GDAP2: variants seen among roughly 807,000 people sequenced by gnomAD.
GDAP2 encodes ganglioside-induced differentiation-associated protein 2.
In GDAP2, 51 loss-of-function variants were observed where a neutral mutation model predicts 67.0. The ratio of observed to expected loss-of-function variants is 0.76; its 90% confidence interval spans 0.61 to 0.96. The LOEUF is 0.96. Ranked by LOEUF, GDAP2 falls within the 40% of genes least tolerant of loss-of-function variation. The probability of loss-of-function intolerance (pLI) is 0.00; values close to 1 mark genes in which losing one functional copy is unlikely to be tolerated. For missense variants in GDAP2, 547 were observed against 588.3 expected (o/e 0.93, Z 0.73); for synonymous variants, 203 against 207.3 (o/e 0.98, Z 0.18).
intron 12 of GDAP2, among the ~76,000 whole-genome samples, chr1:117,880,461 G>C (rs1648614653): frequency 6.6e-6 from 1 of 152,096 alleles, no homozygotes; most frequent in South Asian, 2.1e-4. Flanking sequence ...TAATTTAAAA[G>C]GTACATGAGA....
intron 13 of GDAP2, among the ~76,000 whole-genome samples, chr1:117,872,332 A>G (rs901991866): frequency 6.6e-6 from 1 of 152,168 alleles, no homozygotes; most frequent in African/African-American, 2.4e-5. Context: ...CAGCAATCCC[A>G]TTACTGGGTA....
chr1:117,912,425 C>T (rs1031937894), intron 4 of GDAP2, 105 bp downstream of exon 4: 2 of 983,018 alleles, frequency 2.0e-6, no homozygotes, highest in East Asian at 2.5e-5. Context: ...AATTTGACTT[C>T]CACTGCTAGG....
chr1:117,884,385 C>T (rs1648774925), intron 10 of GDAP2, among the ~76,000 whole-genome samples: 1 of 152,152 alleles, frequency 6.6e-6, no homozygotes, highest in African/African-American at 2.4e-5. Flanking sequence ...AGTGGTTTAG[C>T]TGTAAACAAT....
chr1:117,872,165 G>A (rs1337079938), intron 13 of GDAP2, among the ~76,000 whole-genome samples: 3 of 152,094 alleles, frequency 2.0e-5, no homozygotes, highest in Non-Finnish European at 1.5e-5. Context: ...AGTCAGAATG[G>A]CGATTACTAA....
intron 8 of GDAP2, among the ~76,000 whole-genome samples, chr1:117,888,483 C>T (rs1648947591): frequency 6.6e-6 from 1 of 152,116 alleles, no homozygotes; most frequent in African/African-American, 2.4e-5. Context: ...GATTAATGGT[C>T]AAGTTCATCT....
At chr1:117,928,305 T>C (rs1215864143) in intron 1 of GDAP2, among the ~76,000 whole-genome samples, 1 of 152,252 alleles carries the variant, frequency 6.6e-6, no homozygotes, top group African/African-American at 2.4e-5. Context: ...AGCATTGATG[T>C]CACTTACCTA....
chr1:117,867,546 A>C lies in GDAP2; in HGVS notation c.*3023T>G, dbSNP rs200807475. The C allele has an allele frequency of 0.012, 1,839 of 152,016 alleles. 33 individuals carry two copies. The highest frequency in any genetic ancestry group is 0.091 in the South Asian group (417 of 4,578). 9.4% of individuals were successfully genotyped at this position (152,016 alleles called of 1,614,324 possible). A position where few individuals can be genotyped will look rare whatever the true frequency, so the allele number is the denominator to read the frequency against. ...TCTACTGAAAAAAAAAAAAAAAAAA[A>C]AAAAAATTAGCCAGGCATGGTGGCA... On this transcript the variant is annotated 3_prime_UTR_variant, in exon 14 of 14. Transcript: ENST00000369443.
chr1:117,918,628 A>C lies in GDAP2; in HGVS notation c.285T>G (p.Pro95=), dbSNP rs1650130802. 1.4e-5 allele frequency: 22 copies of C among 1,609,278 alleles called. No individual in the cohort carries two copies. The highest frequency in any genetic ancestry group is 1.6e-5 in the Non-Finnish European group (19 of 1,175,892). ...GTTTCTGGAGATCTTCCTTCAAATCAGGCCCTGCAAGCATGAAGATACTTT... is the reference window on the plus strand; with the variant it reads ...GTTTCTGGAGATCTTCCTTCAAATCCGGCCCTGCAAGCATGAAGATACTTT... ...VSESIFMLAG[P]DLKEDLQKLK... is the part of the protein sequence containing the mutation. The change falls in exon 3 of 14, where the codon CCT becomes CCG. Residue 95 remains proline, a synonymous_variant. Coordinates refer to ENST00000369443, the MANE Select transcript of GDAP2 (RefSeq NM_017686.4).
At chr1:117,894,057 A>AATCAC (rs1557800628) in intron 8 of GDAP2, among the ~76,000 whole-genome samples, 43 of 152,256 alleles carry the variant, frequency 2.8e-4, no homozygotes, top group African/African-American at 1.0e-3. Context: ...AATTACTGTA[A>AATCAC]TATCACATAG....
chr1:117,878,897 C>T (rs370676897), intron 12 of GDAP2, among the ~76,000 whole-genome samples: 75 of 152,244 alleles, frequency 4.9e-4, no homozygotes, highest in African/African-American at 1.7e-3. Context: ...ATACAATAGT[C>T]CTATGAGGCA....
intron 3 of GDAP2, among the ~76,000 whole-genome samples, chr1:117,916,272 G>A (rs1650041573): frequency 6.6e-6 from 1 of 152,196 alleles, no homozygotes. Context: ...TGACAACTGA[G>A]AGAAAGAACA....
At position 117,863,581 on chromosome 1, in the gene GDAP2, T is replaced by C. The variant is rs1647966661; in HGVS notation, c.*6988A>G. ...AATTTGAAATCAGCACATCATACAA[T>C]TTTTAAAAGGAAATTTAGCTATTTA... On this transcript the variant is annotated 3_prime_UTR_variant, in exon 14 of 14. Coordinates refer to ENST00000369443, the MANE Select transcript of GDAP2 (RefSeq NM_017686.4). 6.6e-6 allele frequency: 1 copy of C among 152,224 alleles called. No individual in the cohort carries two copies. Among genetic ancestry groups the C allele is most frequent in the South Asian group, 2.1e-4 (1 of 4,830 alleles). The allele number at this position is 152,224 out of a possible 1,614,324, so 9.4% of individuals were successfully genotyped here. A position where few individuals can be genotyped will look rare whatever the true frequency, so the allele number is the denominator to read the frequency against.
chr1:117,904,153 A>AT (rs200362282), intron 6 of GDAP2, among the ~76,000 whole-genome samples: 1,627 of 151,206 alleles, frequency 0.011, 25 homozygotes, highest in African/African-American at 0.037. Context: ...CATTCAGCTA[A>AT]TTTTTTTTTA....
At position 117,881,025 on chromosome 1, in the gene GDAP2, A is replaced by G. The variant is rs560860093; in HGVS notation, c.1302+798T>C. ...AGCTAGCAAGTAGGTTTGGAGTGGGAAGGTAAAGATAAAGAGCTCCTTACT... is the reference window on the plus strand; with the variant it reads ...AGCTAGCAAGTAGGTTTGGAGTGGGGAGGTAAAGATAAAGAGCTCCTTACT... On this transcript the variant is annotated intron_variant, in intron 12 of 13. Coordinates refer to ENST00000369443, the MANE Select transcript of GDAP2 (RefSeq NM_017686.4). Among the ~76,000 whole-genome samples the G allele has an allele frequency of 9.2e-5, 14 of 152,278 alleles. 1 individual carries two copies. The highest frequency in any genetic ancestry group is 3.4e-4 in the African/African-American group (14 of 41,560).
intron 5 of GDAP2, among the ~76,000 whole-genome samples, chr1:117,908,827 A>G (rs964740418): frequency 1.3e-5 from 2 of 149,246 alleles, no homozygotes; most frequent in Non-Finnish European, 2.9e-5. Context: ...TCTATCTCAA[A>G]AAAATAAATA....
intron 10 of GDAP2, among the ~76,000 whole-genome samples, chr1:117,884,844 G>GT: frequency 6.6e-6 from 1 of 150,414 alleles, no homozygotes; most frequent in Admixed American, 6.6e-5. Flanking sequence ...GTGTGTGTGT[G>GT]TTCTGTTTGT....
Position 117,867,338 on chromosome 1 carries a change from T to A in GDAP2, c.*3231A>T, listed in dbSNP as rs1648104814. On this transcript the variant is annotated 3_prime_UTR_variant, in exon 14 of 14. Coordinates refer to ENST00000369443, the MANE Select transcript of GDAP2 (RefSeq NM_017686.4). ...CTACATCTATTTTTCCTACCAAAAA[T>A]ACTCAAAAAACCCTCTGCTAATTAC... 6.6e-6 allele frequency: 1 copy of A among 151,890 alleles called. No homozygotes were observed. Among genetic ancestry groups the A allele is most frequent in the Non-Finnish European group, 1.5e-5 (1 of 67,970 alleles). 9.4% of individuals were successfully genotyped at this position (151,890 alleles called of 1,614,324 possible). A position where few individuals can be genotyped will look rare whatever the true frequency, so the allele number is the denominator to read the frequency against.
intron 9 of GDAP2, 68 bp downstream of exon 9, chr1:117,887,630 T>G (rs1648907334): frequency 2.4e-6 from 2 of 830,420 alleles, no homozygotes; most frequent in African/African-American, 3.4e-5. Context: ...AAAAATGAAT[T>G]CTCAAATAGC....
rs749466623 is a variant in GDAP2, at chr1:117,887,712, G to A, written c.1016C>T (p.Ala339Val). 6.4e-7 allele frequency: 1 copy of A among 1,552,118 alleles called. No individual in the cohort carries two copies. The highest frequency in any genetic ancestry group is 8.9e-7 in the Non-Finnish European group (1 of 1,124,086). The stretch of plus-strand genomic sequence containing the variant: ...TTTAAGCTCACCTGTTTGGTATAAG[G>A]CTTTTAGAGAAGCAATATCAGACAG... ...EDLSDIASLK[A>V]LYQTGVDNCG... The change falls in exon 9 of 14, where the codon GCC becomes GTC. Residue 339 changes from alanine (A) to valine (V), a missense_variant. Physicochemically the swap from Ala to Val is moderately conservative, Grantham distance 64. Transcript: ENST00000369443.
Sources: gnomAD v4.1 joint callset for allele counts (sites outside exome capture counted in the v4.1 genomes callset) on GRCh38, gnomAD v4.1.1 for gene constraint, MANE v1.5 for transcripts, NCBI Gene and HGNC (gene_info 2026-07-23, HGNC 2026-07-21) for gene names.